The following TAF11 variants were observed in gnomAD, a reference collection of about 807,000 sequenced individuals.
TAF11 encodes the protein TATA-box binding protein associated factor 11.
In TAF11, 10 loss-of-function variants were observed where a neutral mutation model predicts 23.0. The ratio of observed to expected loss-of-function variants is 0.43; its 90% confidence interval spans 0.27 to 0.74. The LOEUF (loss-of-function observed/expected upper bound fraction) is 0.74. Among genes scored for constraint, TAF11 ranks in the 30% least tolerant of loss-of-function variants. The probability of loss-of-function intolerance (pLI) is 0.19; values close to 1 mark genes in which losing one functional copy is unlikely to be tolerated. For missense variants in TAF11, 196 were observed against 261.7 expected, an observed-to-expected ratio of 0.75 and a Z score of 1.73; for synonymous variants, 85 against 95.8, an observed-to-expected ratio of 0.89 and a Z score of 0.66.
Position 34,888,000 on chromosome 6 carries a change from G to T in TAF11, c.-43C>A. 6.2e-7 allele frequency: 1 copy of T among 1,610,526 alleles called. No homozygotes were observed. The highest frequency in any genetic ancestry group is 8.5e-7 in the Non-Finnish European group (1 of 1,177,990). On this transcript the variant is annotated 5_prime_UTR_variant, in exon 1 of 5. Transcript: ENST00000361288. ...GGGAGAGGAGATCGCGGAGATGCCT[G>T]AGGCAGAAGCTCGGAAACCCGAGCT... is the stretch of plus-strand genomic sequence containing the variant.
chr6:34,882,252 C>T lies in TAF11; in HGVS notation c.320+680G>A, dbSNP rs190291576. Among the ~76,000 whole-genome samples the T allele has an allele frequency of 2.9e-3, 433 of 151,438 alleles. 1 individual carries two copies. The highest frequency in any genetic ancestry group is 9.7e-3 in the African/African-American group (402 of 41,260). On this transcript the variant is annotated intron_variant, in intron 2 of 4. Coordinates refer to ENST00000361288, the MANE Select transcript of TAF11 (RefSeq NM_005643.4). ...ACCTGGGAGGCTGAGGCAGGAGAAT[C>T]GCTCGAAACCAGAAGGCGGAGGTTG...
rs1766475415 is a variant in TAF11, at chr6:34,883,265, GC to G, written c.172-186del. The G allele has an allele frequency of 1.9e-5, 10 of 524,638 alleles. No individual in the cohort carries two copies. In the South Asian group the frequency reaches 3.2e-4, roughly 17 times the overall value. 32.5% of individuals were successfully genotyped at this position (524,638 alleles called of 1,614,324 possible). Reference sequence around the variant, plus strand: ...TCTCCTAAGGGAAGATTATGGCTCAGCTATGGAAAGAAAACCTGCTAAATAA... The same window carrying G: ...TCTCCTAAGGGAAGATTATGGCTCAGTATGGAAAGAAAACCTGCTAAATAA... On this transcript the variant is annotated intron_variant, in intron 1 of 4. Coordinates refer to ENST00000361288, the MANE Select transcript of TAF11 (RefSeq NM_005643.4).
At chr6:34,884,864 T>G (rs948219475) in intron 1 of TAF11, among the ~76,000 whole-genome samples, 4 of 152,218 alleles carry the variant, frequency 2.6e-5, no homozygotes, top group African/African-American at 9.6e-5. Flanking sequence ...AAAAATCACC[T>G]ATTTTTCTCA....
intron 1 of TAF11, among the ~76,000 whole-genome samples, chr6:34,885,221 C>A (rs1766507870): frequency 6.6e-6 from 1 of 152,134 alleles, no homozygotes; most frequent in Non-Finnish European, 1.5e-5. Context: ...GCGTGACCCA[C>A]TCCACTAGGC....
At chr6:34,882,881 G>T (rs1192482317) in intron 2 of TAF11, 51 bp downstream of exon 2, 9 of 1,516,194 alleles carry the variant, frequency 5.9e-6, no homozygotes, top group Middle Eastern at 2.4e-4. Flanking sequence ...TATTAAATTT[G>T]TGTGGTCAAG....
chr6:34,880,297 T>C lies in TAF11; in HGVS notation c.400A>G (p.Ile134Val), dbSNP rs1205021383. Residue 134 changes from isoleucine (I) to valine (V), a missense_variant, in exon 3 of 5, where the codon ATC (isoleucine) becomes GTC (valine). Transcript: ENST00000361288. The surrounding 1 kb of genome is among the most constrained non-coding windows in gnomAD (Gnocchi z 4.8). ...TGGTGGTCCATCCTTACCCTTTTGA[T>C]GGCTGCCTTAGGGAAAGCTGAGCGG... Reference protein sequence around the residue: ...YRRSAFPKAAIKRLIQSITGT... With the variant: ...YRRSAFPKAAVKRLIQSITGT... 6.2e-7 allele frequency: 1 copy of C among 1,614,164 alleles called. No individual in the cohort carries two copies. Among genetic ancestry groups the C allele is most frequent in the Admixed American group, 1.7e-5 (1 of 60,030 alleles).
chr6:34,878,841 T>G lies in TAF11; in HGVS notation c.506-121A>C, dbSNP rs148508002. 1.2e-4 allele frequency: 103 copies of G among 843,316 alleles called. No homozygotes were observed. The African/African-American group carries it at 1.5e-3, about 12-fold the overall frequency. 52.2% of individuals were successfully genotyped at this position (843,316 alleles called of 1,614,324 possible). Reference sequence around the variant, plus strand: ...AGCTTGCTAAGGAAATAAACAGACATTTTTCCTTTTTAAGAGAATATTAGT... The same window carrying G: ...AGCTTGCTAAGGAAATAAACAGACAGTTTTCCTTTTTAAGAGAATATTAGT... On this transcript the variant is annotated intron_variant, in intron 4 of 4. Coordinates refer to ENST00000361288, the MANE Select transcript of TAF11 (RefSeq NM_005643.4).
In TAF11 at chr6:34,880,313, A is replaced by G. The variant is rs1766400449; in HGVS notation, c.384T>C (p.Ala128=). The stretch of plus-strand genomic sequence containing the variant: ...CCCTTTTGATGGCTGCCTTAGGGAA[A>G]GCTGAGCGGCGATACATTTCATAAC... ...LNRYEMYRRS[A]FPKAAIKRLI... Residue 128 remains alanine, a synonymous_variant, in exon 3 of 5, where the codon GCT becomes GCC. Transcript: ENST00000361288. The surrounding 1 kb of genome is among the most constrained non-coding windows in gnomAD (Gnocchi z 4.8). 6.2e-7 allele frequency: 1 copy of G among 1,614,174 alleles called. No individual in the cohort carries two copies. Among genetic ancestry groups the G allele is most frequent in the Non-Finnish European group, 8.5e-7 (1 of 1,180,006 alleles).
At chr6:34,881,057 C>T (rs890902303) in intron 2 of TAF11, among the ~76,000 whole-genome samples, 19 of 152,266 alleles carry the variant, frequency 1.2e-4, no homozygotes, top group Admixed American at 7.8e-4. Flanking sequence ...TTTGGAAATA[C>T]ATATGAAAAG....
chr6:34,881,008 T>C (rs1253559564), intron 2 of TAF11, among the ~76,000 whole-genome samples: 1 of 152,178 alleles, frequency 6.6e-6, no homozygotes, highest in African/African-American at 2.4e-5. Flanking sequence ...CACAAACACA[T>C]GCTGGCAGAG....
chr6:34,882,938 T>C lies in TAF11; in HGVS notation c.314A>G (p.Lys105Arg), dbSNP rs745523026. The C allele has an allele frequency of 1.8e-5, 29 of 1,603,264 alleles. No homozygotes were observed. Among genetic ancestry groups the C allele is most frequent in the Non-Finnish European group, 2.5e-5 (29 of 1,176,922 alleles). ...TGATAAGAAAGTGACTTACTGCATC[T>C]TCTGAATCTCATCTTCATCTACTTT... ...KQKVDEDEIQ[K>R]MQILVSSFSE... Residue 105 changes from lysine (K) to arginine (R), a missense_variant, in exon 2 of 5, where the codon AAG (lysine) becomes AGG (arginine). Coordinates refer to ENST00000361288, the MANE Select transcript of TAF11 (RefSeq NM_005643.4).
chr6:34,887,637 C>T, intron 1 of TAF11, 150 bp downstream of exon 1: 1 of 975,010 alleles, frequency 1.0e-6, no homozygotes, highest in East Asian at 2.4e-5. Flanking sequence ...TGGTCGTCCC[C>T]TCTCTTCCCC....
chr6:34,878,748 A>G (rs778571169), intron 4 of TAF11, 28 bp from the exon 5 acceptor site: 1 of 1,586,108 alleles, frequency 6.3e-7, no homozygotes. Flanking sequence ...AGAAAGTCTG[A>G]TTATCACACA....
At chr6:34,885,973 C>A (rs1766517928) in intron 1 of TAF11, among the ~76,000 whole-genome samples, 1 of 152,002 alleles carries the variant, frequency 6.6e-6, no homozygotes, top group Non-Finnish European at 1.5e-5. Flanking sequence ...ACTAAAAATA[C>A]AAAAATTAGC....
intron 1 of TAF11, among the ~76,000 whole-genome samples, chr6:34,885,932 C>CAACTTGTGA (rs1345253648): frequency 1.3e-5 from 2 of 152,106 alleles, no homozygotes; most frequent in Non-Finnish European, 1.5e-5. Flanking sequence ...CCAGGCTGGG[C>CAACTTGTGA]AACTTGTGAA....
Position 34,878,117 on chromosome 6 carries a change from T to C in TAF11, c.*473A>G, listed in dbSNP as rs1766342425. The C allele has an allele frequency of 6.5e-6, 1 of 153,476 alleles. No homozygotes were observed. Among genetic ancestry groups the C allele is most frequent in the Admixed American group, 6.5e-5 (1 of 15,496 alleles). The allele number at this position is 153,476 out of a possible 1,614,324, so 9.5% of individuals were successfully genotyped here. On this transcript the variant is annotated 3_prime_UTR_variant, in exon 5 of 5. Coordinates refer to ENST00000361288, the MANE Select transcript of TAF11 (RefSeq NM_005643.4). ...ATAAAAATAAGTTAGCTGGGCACAGTAGTGTGTGCCTGTAGTCCTAGCTAC... is the reference window on the plus strand; with the variant it reads ...ATAAAAATAAGTTAGCTGGGCACAGCAGTGTGTGCCTGTAGTCCTAGCTAC...
At chr6:34,879,140 T>C (rs1766370625) in intron 4 of TAF11, among the ~76,000 whole-genome samples, 1 of 152,178 alleles carries the variant, frequency 6.6e-6, no homozygotes, top group Non-Finnish European at 1.5e-5. Flanking sequence ...AGCTAACTGT[T>C]ACAGTGAGCT....
chr6:34,880,917 C>A lies in TAF11; in HGVS notation c.321-541G>T, dbSNP rs1766412229. Reference sequence around the variant, plus strand: ...TGGGGGAAACAACCTTCATTATTAACTAAGGAAATATTATTTTCATAGATA... The same window carrying A: ...TGGGGGAAACAACCTTCATTATTAAATAAGGAAATATTATTTTCATAGATA... On this transcript the variant is annotated intron_variant, in intron 2 of 4. Transcript: ENST00000361288. This position sits in a 1 kb window ranked among gnomAD's most constrained non-coding sequence, Gnocchi z 4.8. Among the ~76,000 whole-genome samples, 2 of 152,026 alleles carry A rather than the reference C, an allele frequency of 1.3e-5. No homozygotes were observed. Among genetic ancestry groups the A allele is most frequent in the Non-Finnish European group, 2.9e-5 (2 of 68,034 alleles).
intron 1 of TAF11, among the ~76,000 whole-genome samples, chr6:34,884,252 A>G (rs1459130948): frequency 6.6e-6 from 1 of 152,228 alleles, no homozygotes; most frequent in Non-Finnish European, 1.5e-5. Context: ...AAAGGAGATC[A>G]TGTCCTTTGC....
Sources: allele counts gnomAD v4.1 joint callset (sites outside exome capture counted in the v4.1 genomes callset), GRCh38; gene constraint gnomAD v4.1.1; non-coding constraint Gnocchi (gnomAD v3.1); transcripts MANE v1.5; gene names NCBI Gene and HGNC (gene_info 2026-07-23, HGNC 2026-07-21).